DGKI: variants seen among roughly 807,000 people sequenced by gnomAD.
DGKI encodes the protein diacylglycerol kinase iota.
A neutral mutation model predicts 147.5 loss-of-function variants in DGKI; 55 were observed. The observed-to-expected ratio is 0.37, with a 90% CI of 0.30 to 0.47. DGKI has a LOEUF of 0.47. Ranked by LOEUF, DGKI falls within the 20% of genes least tolerant of loss-of-function variation. DGKI has a pLI of 1.00. For synonymous variants in DGKI, 469 were observed against 477.1 expected, an observed-to-expected ratio of 0.98 and a Z score of 0.22; for missense variants, 1,007 against 1,323.8, an observed-to-expected ratio of 0.76 and a Z score of 3.71.
At chr7:137,723,324 G>A (rs1371662288) in intron 1 of DGKI, among the ~76,000 whole-genome samples, 1 of 152,196 alleles carries the variant, frequency 6.6e-6, no homozygotes, top group Non-Finnish European at 1.5e-5. Context: ...ACATTTATAT[G>A]TGCAAACTCT....
At chr7:137,810,237 T>C (rs532951871) in intron 1 of DGKI, among the ~76,000 whole-genome samples, 1 of 152,332 alleles carries the variant, frequency 6.6e-6, no homozygotes, top group South Asian at 2.1e-4. Context: ...AACACTTCTA[T>C]AATGCTAATG....
intron 8 of DGKI, among the ~76,000 whole-genome samples, chr7:137,611,097 G>T (rs543906498): frequency 6.6e-6 from 1 of 152,208 alleles, no homozygotes; most frequent in South Asian, 2.1e-4. Context: ...CTTTTATCAT[G>T]TCCCTCACTG....
intron 1 of DGKI, among the ~76,000 whole-genome samples, chr7:137,748,292 T>G (rs1795402453): frequency 6.6e-6 from 1 of 151,966 alleles, no homozygotes; most frequent in Admixed American, 6.6e-5. Context: ...ACTATTTGTA[T>G]TATACTTTCT....
At chr7:137,510,924 C>T (rs1816559125) in intron 21 of DGKI, among the ~76,000 whole-genome samples, 1 of 152,208 alleles carries the variant, frequency 6.6e-6, no homozygotes, top group Non-Finnish European at 1.5e-5. Context: ...TCCCTAGCAG[C>T]TGACAGCCTG....
intron 20 of DGKI, among the ~76,000 whole-genome samples, chr7:137,537,863 C>T (rs1465848742): frequency 5.9e-5 from 9 of 152,044 alleles, no homozygotes; most frequent in African/African-American, 1.9e-4. Context: ...ACTTTGGTAT[C>T]ATTTTTGTTA....
intron 12 of DGKI, 121 bp downstream of exon 12, chr7:137,597,725 AT>A: frequency 1.2e-6 from 1 of 864,386 alleles, no homozygotes; most frequent in African/African-American, 1.7e-5. Flanking sequence ...TATGATTCAC[AT>A]GAGAGATATA....
In DGKI at chr7:137,590,894, T is replaced by C. The variant is rs145505817; in HGVS notation, c.1312-3684A>G. 4.7e-3 allele frequency among the ~76,000 whole-genome samples: 722 copies of C among 152,344 alleles called. 4 individuals are homozygous for C. Among genetic ancestry groups the C allele is most frequent in the African/African-American group, 0.016 (671 of 41,582 alleles). The stretch of plus-strand genomic sequence containing the variant: ...TTTTTGTAGAGATGGGGGCGGCTTT[T>C]GCCGTATTGCCCAGGCTGCCCCCAA... On this transcript the variant is annotated intron_variant, in intron 12 of 32. Transcript: ENST00000614521.
At chr7:137,565,489 T>C (rs1444514083) in intron 19 of DGKI, among the ~76,000 whole-genome samples, 1 of 152,208 alleles carries the variant, frequency 6.6e-6, no homozygotes, top group African/African-American at 2.4e-5. Flanking sequence ...AATTTCTCCA[T>C]GTCCTTTTTA....
At chr7:137,767,475 G>A (rs1464820835) in intron 1 of DGKI, among the ~76,000 whole-genome samples, 1 of 100,284 alleles carries the variant, frequency 1.0e-5, no homozygotes, top group African/African-American at 3.6e-5. Context: ...GAGAAGGGAA[G>A]AGAAGAGAAG....
intron 28 of DGKI, among the ~76,000 whole-genome samples, chr7:137,428,313 T>C (rs1812908379): frequency 6.6e-6 from 1 of 152,144 alleles, no homozygotes; most frequent in Non-Finnish European, 1.5e-5. Flanking sequence ...CATGATTATC[T>C]CAATAGATGC....
chr7:137,521,726 CAT>C (rs1816967298), intron 21 of DGKI, 138 bp downstream of exon 21: 2 of 642,286 alleles, frequency 3.1e-6, no homozygotes, highest in Non-Finnish European at 5.5e-6. Flanking sequence ...TTGGAGCCCA[CAT>C]GTTACTGTGT....
chr7:137,541,773 T>G (rs747250979), intron 20 of DGKI, among the ~76,000 whole-genome samples: 1 of 151,686 alleles, frequency 6.6e-6, no homozygotes, highest in African/African-American at 2.4e-5. Context: ...ATCACAGAAC[T>G]AAATGCAAAA....
intron 6 of DGKI, among the ~76,000 whole-genome samples, chr7:137,641,445 T>G (rs1821622180): frequency 6.6e-6 from 1 of 152,192 alleles, no homozygotes; most frequent in Non-Finnish European, 1.5e-5. Flanking sequence ...GCCAACATGA[T>G]GCCACAAGTG....
intron 21 of DGKI, among the ~76,000 whole-genome samples, chr7:137,502,453 T>C (rs1028112917): frequency 6.6e-6 from 1 of 150,842 alleles, no homozygotes; most frequent in Non-Finnish European, 1.5e-5. Context: ...AAAATGATAA[T>C]ACTGATTACA....
intron 1 of DGKI, among the ~76,000 whole-genome samples, chr7:137,788,645 CACACACACACACACACACAT>C (rs1398671392): frequency 1.0e-3 from 67 of 66,334 alleles, no homozygotes; most frequent in Middle Eastern, 9.3e-3. Context: ...TACACACACA[CACACACACACACACACACAT>C]ACACACACAC....
chr7:137,730,577 C>T (rs1486470721), intron 1 of DGKI, among the ~76,000 whole-genome samples: 1 of 152,032 alleles, frequency 6.6e-6, no homozygotes, highest in Non-Finnish European at 1.5e-5. Context: ...AAGGCCTCTC[C>T]CTCATTTTTG....
intron 29 of DGKI, among the ~76,000 whole-genome samples, chr7:137,411,246 T>C (rs2128900752): frequency 6.6e-6 from 1 of 152,322 alleles, no homozygotes; most frequent in Non-Finnish European, 1.5e-5. Flanking sequence ...GCAGGGGGTT[T>C]GCAGGGGCAT....
intron 1 of DGKI, chr7:137,843,363 A>C: frequency 1.0e-6 from 1 of 962,300 alleles, no homozygotes; most frequent in Non-Finnish European, 1.2e-6. Context: ...AGAAAAACGA[A>C]GTAGTAATTT....
At chr7:137,433,821 T>G (rs1323440924) in intron 28 of DGKI, among the ~76,000 whole-genome samples, 1 of 152,172 alleles carries the variant, frequency 6.6e-6, no homozygotes, top group Non-Finnish European at 1.5e-5. Flanking sequence ...TCTTTCCACT[T>G]AAAAGTAAAC....
Sources: allele counts gnomAD v4.1 joint callset (sites outside exome capture counted in the v4.1 genomes callset), GRCh38; gene constraint gnomAD v4.1.1; transcripts MANE v1.5; gene names NCBI Gene and HGNC (gene_info 2026-07-23, HGNC 2026-07-21).